The following NFU1 variants were observed in gnomAD, a reference collection of about 807,000 sequenced individuals.
NFU1 encodes the protein NFU1 iron-sulfur cluster scaffold homolog, mitochondrial.
In NFU1, 30 loss-of-function variants were observed where a neutral mutation model predicts 32.2. The observed-to-expected ratio is 0.93, with a 90% confidence interval of 0.70 to 1.26. NFU1 has a LOEUF of 1.26. Ranked by LOEUF, NFU1 falls within the 50% of genes most tolerant of loss-of-function variation. The probability of loss-of-function intolerance (pLI) is 0.00; values close to 1 mark genes in which losing one functional copy is unlikely to be tolerated. For synonymous variants in NFU1, 112 were observed against 104.6 expected (o/e 1.07, Z -0.43); for missense variants, 306 against 306.6 (o/e 1.00, Z 0.02).
chr2:69,437,070 T>G (rs887798940), intron 1 of NFU1, among the ~76,000 whole-genome samples: 2 of 152,216 alleles, frequency 1.3e-5, no homozygotes, highest in Non-Finnish European at 2.9e-5. Flanking sequence ...AGCTCCTCCG[T>G]TCTGGCTCTA....
At chr2:69,436,082 G>A (rs1242493488) in intron 1 of NFU1, among the ~76,000 whole-genome samples, 3 of 152,086 alleles carry the variant, frequency 2.0e-5, no homozygotes, top group Non-Finnish European at 4.4e-5. Context: ...CAGCACTCAT[G>A]ACTGTCATTA....
intron 1 of NFU1, among the ~76,000 whole-genome samples, chr2:69,434,350 G>T (rs1673756742): frequency 6.7e-6 from 1 of 149,624 alleles, no homozygotes; most frequent in Non-Finnish European, 1.5e-5. Context: ...CACCATCTTG[G>T]CCAGGCTGGT....
rs59211527 is a variant in NFU1, at chr2:69,428,035, G to C, written c.166+3867C>G. ...AAGACTCTGTCTCAAAAAGAAAAAAGAAAAAAGAAAATGAACCTTCTGAGT... is the reference window on the plus strand; with the variant it reads ...AAGACTCTGTCTCAAAAAGAAAAAACAAAAAAGAAAATGAACCTTCTGAGT... On this transcript the variant is annotated intron_variant, in intron 2 of 7. Coordinates refer to ENST00000410022, the MANE Select transcript of NFU1 (RefSeq NM_001002755.4). 9.3e-3 allele frequency among the ~76,000 whole-genome samples: 1,410 copies of C among 151,852 alleles called. 21 individuals are homozygous for C. Among genetic ancestry groups the C allele is most frequent in the African/African-American group, 0.031 (1,299 of 41,430 alleles).
At chr2:69,404,615 A>ATATATATTTT (rs1426118283) in intron 6 of NFU1, among the ~76,000 whole-genome samples, 2 of 73,010 alleles carry the variant, frequency 2.7e-5, no homozygotes, top group African/African-American at 6.3e-5. Context: ...ATCTTAGCAA[A>ATATATATTTT]TTTTTTTTTT....
intron 5 of NFU1, among the ~76,000 whole-genome samples, chr2:69,414,760 G>A (rs1052064166): frequency 6.6e-6 from 1 of 151,966 alleles, no homozygotes; most frequent in African/African-American, 2.4e-5. Flanking sequence ...AGGGAAAAGG[G>A]ATGGGGGTAC....
chr2:69,401,698 T>C (rs1385012735), intron 6 of NFU1, among the ~76,000 whole-genome samples: 1 of 152,238 alleles, frequency 6.6e-6, no homozygotes, highest in African/African-American at 2.4e-5. Context: ...TTTCCAGTTA[T>C]ATAAACTTAC....
rs548977542 is a variant in NFU1 at position 69,409,525 on chromosome 2, T to C, written c.485-3443A>G. Among the ~76,000 whole-genome samples, 17 of 152,332 alleles carry C rather than the reference T, an allele frequency of 1.1e-4. No homozygotes were observed. In the South Asian group the frequency reaches 3.3e-3, roughly 30 times the overall value. ...TGTCATAGTCTATTTAGTGTTGCTA[T>C]AAAGGAATACCTGAGACTGTGCAAT... is the stretch of plus-strand genomic sequence containing the variant. On this transcript the variant is annotated intron_variant, in intron 5 of 7. Coordinates refer to ENST00000410022, the MANE Select transcript of NFU1 (RefSeq NM_001002755.4).
intron 5 of NFU1, among the ~76,000 whole-genome samples, chr2:69,408,029 T>A (rs1237340682): frequency 7.3e-5 from 10 of 137,848 alleles, no homozygotes; most frequent in Middle Eastern, 7.6e-3. Context: ...AAAAAAAAAA[T>A]AGATAATTAA....
intron 2 of NFU1, chr2:69,429,969 C>T: frequency 3.1e-6 from 1 of 320,362 alleles, no homozygotes; most frequent in South Asian, 2.4e-5. Context: ...GCGGAGGTTA[C>T]AGTGAGCCAA....
At chr2:69,437,970 G>A (rs369285759), upstream of NFU1, among the ~76,000 whole-genome samples, 40 of 152,314 alleles carry the variant, frequency 2.6e-4, no homozygotes, top group African/African-American at 9.4e-4. Context: ...CCCGCACAGA[G>A]GATGTATCTG....
At chr2:69,426,251 C>G (rs529901907) in intron 2 of NFU1, among the ~76,000 whole-genome samples, 1 of 152,058 alleles carries the variant, frequency 6.6e-6, no homozygotes, top group Non-Finnish European at 1.5e-5. Flanking sequence ...GGATTAAAGG[C>G]GTGAGCCACT....
At chr2:69,398,982 C>A (rs754569756) in intron 7 of NFU1, among the ~76,000 whole-genome samples, 1 of 151,956 alleles carries the variant, frequency 6.6e-6, no homozygotes, top group Non-Finnish European at 1.5e-5. Context: ...GAGGCCGAGG[C>A]GGGCAAATTG....
intron 3 of NFU1, among the ~76,000 whole-genome samples, chr2:69,421,952 T>C (rs1192866970): frequency 6.6e-6 from 1 of 152,080 alleles, no homozygotes; most frequent in Admixed American, 6.6e-5. Context: ...AAACTACACA[T>C]AGTATTGAAC....
chr2:69,403,359 T>G (rs971279465), intron 6 of NFU1, among the ~76,000 whole-genome samples: 2 of 152,194 alleles, frequency 1.3e-5, no homozygotes, highest in African/African-American at 4.8e-5. Context: ...GAATTATTTT[T>G]TATTCTATTT....
At chr2:69,436,809 G>C (rs1397622486) in intron 1 of NFU1, among the ~76,000 whole-genome samples, 1 of 150,642 alleles carries the variant, frequency 6.6e-6, no homozygotes, top group East Asian at 1.9e-4. Context: ...AAAAAACAAG[G>C]GAACAGAGTG....
At chr2:69,401,238 T>A (rs1372903838) in intron 6 of NFU1, among the ~76,000 whole-genome samples, 1 of 152,206 alleles carries the variant, frequency 6.6e-6, no homozygotes, top group Admixed American at 6.5e-5. Context: ...AGAAGTCCCC[T>A]TTGGGCTTCC....
intron 1 of NFU1, among the ~76,000 whole-genome samples, chr2:69,435,280 A>G: frequency 6.6e-6 from 1 of 152,234 alleles, no homozygotes; most frequent in African/African-American, 2.4e-5. Context: ...AGGCAAAATG[A>G]TGGTCAGTTA....
intron 4 of NFU1, among the ~76,000 whole-genome samples, chr2:69,415,952 C>T (rs910676845): frequency 6.6e-6 from 1 of 151,276 alleles, no homozygotes; most frequent in African/African-American, 2.4e-5. Context: ...CATAGCGAGA[C>T]TTCGTCTCTT....
At chr2:69,437,240 ACC>A (rs1673874779) in intron 1 of NFU1, 119 bp downstream of exon 1, 1 of 1,489,632 alleles carries the variant, frequency 6.7e-7, no homozygotes, top group Middle Eastern at 2.2e-4. Flanking sequence ...GACAGGGCGG[ACC>A]CGCCGGCTCC....
Sources: gnomAD v4.1 joint callset for allele counts (sites outside exome capture counted in the v4.1 genomes callset) on GRCh38, gnomAD v4.1.1 for gene constraint, MANE v1.5 for transcripts, NCBI Gene and HGNC (gene_info 2026-07-23, HGNC 2026-07-21) for gene names.